The following SNRPD1 variants were observed in gnomAD, a reference collection of about 807,000 sequenced individuals.
The protein encoded by SNRPD1 is small nuclear ribonucleoprotein D1 polypeptide.
Under a neutral mutation model 14.4 loss-of-function variants are expected in SNRPD1, and 1 was observed. The observed-to-expected ratio is 0.07, with a 90% CI of 0.02 to 0.33. The LOEUF is 0.33. Among genes scored for constraint, SNRPD1 ranks in the 10% least tolerant of loss-of-function variants. The pLI, the probability that SNRPD1 is intolerant of heterozygous loss-of-function variation, is 1.00. For missense variants in SNRPD1, 52 were observed against 146.4 expected, an observed-to-expected ratio of 0.36 and a Z score of 3.33; for synonymous variants, 42 against 50.3, an observed-to-expected ratio of 0.83 and a Z score of 0.70.
At chr18:21,616,361 C>T (rs1452109713) in intron 1 of SNRPD1, among the ~76,000 whole-genome samples, 1 of 151,974 alleles carries the variant, frequency 6.6e-6, no homozygotes, top group Non-Finnish European at 1.5e-5. Context: ...GTGTGGTTTA[C>T]ATGTTCATTT....
chr18:21,625,876 TG>T (rs2039034926), intron 3 of SNRPD1, among the ~76,000 whole-genome samples: 1 of 152,280 alleles, frequency 6.6e-6, no homozygotes, highest in Non-Finnish European at 1.5e-5. Flanking sequence ...CCCTAAGTGC[TG>T]GGATTACAGG....
At chr18:21,620,043 C>T (rs1249852609) in intron 1 of SNRPD1, among the ~76,000 whole-genome samples, 1 of 152,044 alleles carries the variant, frequency 6.6e-6, no homozygotes, top group Non-Finnish European at 1.5e-5. Context: ...CAACCTCTGC[C>T]TCCCAGGTTC....
intron 3 of SNRPD1, among the ~76,000 whole-genome samples, chr18:21,626,894 T>C (rs2039043569): frequency 6.6e-6 from 1 of 150,728 alleles, no homozygotes; most frequent in African/African-American, 2.4e-5. Flanking sequence ...CACTGCAGCC[T>C]CAAACCCCTG....
rs184690802 is a variant in SNRPD1 at position 21,618,335 on chromosome 18, C to G, written c.15-4390C>G. The stretch of plus-strand genomic sequence containing the variant: ...CAGAAAAAACCTAAACTAAAAACCT[C>G]TGTTTAAAAAAAAACACAAAAAAAA... On this transcript the variant is annotated intron_variant, in intron 1 of 3. Coordinates refer to ENST00000300413, the MANE Select transcript of SNRPD1 (RefSeq NM_006938.4). Among the ~76,000 whole-genome samples, 17 of 151,072 alleles carry G rather than the reference C, an allele frequency of 1.1e-4. No homozygotes were observed. In the East Asian group the frequency reaches 3.3e-3, roughly 29 times the overall value.
intron 1 of SNRPD1, among the ~76,000 whole-genome samples, chr18:21,618,205 T>A (rs760303445): frequency 1.3e-5 from 2 of 152,006 alleles, no homozygotes; most frequent in Non-Finnish European, 2.9e-5. Flanking sequence ...GGCTGATTGC[T>A]TGAGCTCAGG....
chr18:21,625,017 T>C (rs997023324), intron 3 of SNRPD1, among the ~76,000 whole-genome samples: 1 of 152,148 alleles, frequency 6.6e-6, no homozygotes, highest in Non-Finnish European at 1.5e-5. Context: ...ACAACCATCA[T>C]AGGCCTAAAC....
intron 1 of SNRPD1, among the ~76,000 whole-genome samples, chr18:21,620,843 G>A (rs952438191): frequency 6.6e-6 from 1 of 152,068 alleles, no homozygotes; most frequent in Non-Finnish European, 1.5e-5. Context: ...GGTAATTCAC[G>A]GAAGAAATAG....
chr18:21,619,379 G>A (rs1598491725), intron 1 of SNRPD1, among the ~76,000 whole-genome samples: 2 of 151,822 alleles, frequency 1.3e-5, no homozygotes, highest in South Asian at 2.1e-4. Flanking sequence ...ACGGGGTTTC[G>A]CCATGTTGGC....
intron 3 of SNRPD1, among the ~76,000 whole-genome samples, chr18:21,624,387 A>C (rs1281630451): frequency 6.8e-6 from 1 of 148,004 alleles, no homozygotes; most frequent in African/African-American, 2.5e-5. Flanking sequence ...AAAAAAAAAA[A>C]ACCAAACAAC....
At chr18:21,613,854 C>CAAAAAAAAA (rs56863125) in intron 1 of SNRPD1, among the ~76,000 whole-genome samples, 1 of 58,670 alleles carries the variant, frequency 1.7e-5, no homozygotes, top group Admixed American at 2.7e-4. Flanking sequence ...GACTCCATCT[C>CAAAAAAAAA]AAAAAAAAAA....
chr18:21,615,836 G>A (rs1466803726), intron 1 of SNRPD1, among the ~76,000 whole-genome samples: 1 of 152,156 alleles, frequency 6.6e-6, no homozygotes, highest in Admixed American at 6.6e-5. Context: ...TTCCAAAGTG[G>A]TTGTACCATT....
Position 21,630,967 on chromosome 18 carries a change from T to A in SNRPD1, c.*1829T>A, listed in dbSNP as rs1278781615. On this transcript the variant is annotated 3_prime_UTR_variant, in exon 4 of 4. Transcript: ENST00000300413. ...TACCTCATCAAGTAAATTCAAATGC[T>A]TTTTGATTTTTCCACAGTTGATAAT... 1.3e-5 allele frequency: 2 copies of A among 151,714 alleles called. No homozygotes were observed. Among genetic ancestry groups the A allele is most frequent in the South Asian group, 2.1e-4 (1 of 4,824 alleles). 9.4% of individuals were successfully genotyped at this position (151,714 alleles called of 1,614,324 possible). A position where few individuals can be genotyped will look rare whatever the true frequency, so the allele number is the denominator to read the frequency against.
rs543385998 is a variant in SNRPD1, at chr18:21,620,731, G to A, written c.15-1994G>A. Among the ~76,000 whole-genome samples, 23 of 152,248 alleles carry A rather than the reference G, an allele frequency of 1.5e-4. No individual in the cohort carries two copies. In the South Asian group the frequency reaches 3.9e-3, roughly 26 times the overall value. On this transcript the variant is annotated intron_variant, in intron 1 of 3. Coordinates refer to ENST00000300413, the MANE Select transcript of SNRPD1 (RefSeq NM_006938.4). ...CAAAACATAAAAGTGAAAAAAGTTT[G>A]TGTGACTAAAGAAACCATAAACAAC... is the stretch of plus-strand genomic sequence containing the variant.
chr18:21,628,963 A>G, intron 3 of SNRPD1, 99 bp from the exon 4 acceptor site: 1 of 890,208 alleles, frequency 1.1e-6, no homozygotes, highest in Non-Finnish European at 1.9e-6. Context: ...ATAAAGAGCT[A>G]TAAACAGGGA....
chr18:21,622,067 G>C (rs554742539), intron 1 of SNRPD1, among the ~76,000 whole-genome samples: 1 of 152,212 alleles, frequency 6.6e-6, no homozygotes, highest in South Asian at 2.1e-4. Flanking sequence ...CAGTGCAGGG[G>C]GTTAGGAAGG....
chr18:21,623,184 C>T lies in SNRPD1; in HGVS notation c.91+383C>T, dbSNP rs549374681. 6.6e-5 allele frequency among the ~76,000 whole-genome samples: 10 copies of T among 151,784 alleles called. No individual in the cohort carries two copies. The East Asian group carries it at 1.2e-3, about 18-fold the overall frequency. ...CACTACAACCTCTGCCTCCCGGGTC[C>T]GGGTTGAAGCAATTCTCCTGCCTCA... On this transcript the variant is annotated intron_variant, in intron 2 of 3. Coordinates refer to ENST00000300413, the MANE Select transcript of SNRPD1 (RefSeq NM_006938.4).
intron 3 of SNRPD1, among the ~76,000 whole-genome samples, 155 bp downstream of exon 3, chr18:21,624,094 T>C (rs2039017198): frequency 6.6e-6 from 1 of 152,178 alleles, no homozygotes; most frequent in Admixed American, 6.6e-5. Flanking sequence ...TTAAAAACAT[T>C]GAGCAACCGG....
At chr18:21,623,521 T>C (rs993084215) in intron 2 of SNRPD1, among the ~76,000 whole-genome samples, 1 of 152,200 alleles carries the variant, frequency 6.6e-6, no homozygotes, top group Non-Finnish European at 1.5e-5. Flanking sequence ...CTGCATTCAC[T>C]TCTGTAAGCA....
intron 3 of SNRPD1, among the ~76,000 whole-genome samples, chr18:21,625,725 C>T (rs2039033268): frequency 6.6e-6 from 1 of 152,176 alleles, no homozygotes. Flanking sequence ...ATTGTCCTGC[C>T]TCTGCCTCTC....
Sources: allele counts gnomAD v4.1 joint callset (sites outside exome capture counted in the v4.1 genomes callset), GRCh38; gene constraint gnomAD v4.1.1; transcripts MANE v1.5; gene names NCBI Gene and HGNC (gene_info 2026-07-23, HGNC 2026-07-21).